Variants in SCAMP4 observed in about 807,000 individuals in gnomAD.
SCAMP4 encodes secretory carrier-associated membrane protein 4.
In SCAMP4, 19 loss-of-function variants were observed where a neutral mutation model predicts 32.1. That is an observed-to-expected ratio of 0.59 (90% CI 0.41 to 0.87). The LOEUF is 0.87. Among genes scored for constraint, SCAMP4 ranks in the 40% least tolerant of loss-of-function variants. The pLI, the probability that SCAMP4 is intolerant of heterozygous loss-of-function variation, is 0.00. For synonymous variants in SCAMP4, 152 were observed against 132.7 expected (o/e 1.15, Z -1.00); for missense variants, 302 against 309.0 (o/e 0.98, Z 0.17).
At chr19:1,910,151 C>T (rs1473220070) in intron 1 of SCAMP4, among the ~76,000 whole-genome samples, 3 of 152,202 alleles carry the variant, frequency 2.0e-5, no homozygotes, top group African/African-American at 7.2e-5. Context: ...CTGAATGTGA[C>T]ATGGCTGGCT....
At chr19:1,907,344 G>A (rs1247513034) in intron 1 of SCAMP4, among the ~76,000 whole-genome samples, 1 of 149,620 alleles carries the variant, frequency 6.7e-6, no homozygotes, top group Non-Finnish European at 1.5e-5. Context: ...AGATGGTCAG[G>A]CCCCTCCATC....
At position 1,923,990 on chromosome 19, in the gene SCAMP4, G is replaced by C. The variant is rs62127759; in HGVS notation, c.514-118G>C. On this transcript the variant is annotated intron_variant, in intron 6 of 6. Coordinates refer to ENST00000316097, the MANE Select transcript of SCAMP4 (RefSeq NM_079834.4). ...GTTTGGACTGGTCTCGAACTCCAGA[G>C]CTCAGACAGTCTGTCTGCCTCGGCC... is the stretch of plus-strand genomic sequence containing the variant. 32 of 422,734 alleles carry C rather than the reference G, an allele frequency of 7.6e-5. 11 individuals are homozygous for C. Among genetic ancestry groups the C allele is most frequent in the Non-Finnish European group, 1.1e-4 (25 of 219,582 alleles). 26.2% of individuals were successfully genotyped at this position (422,734 alleles called of 1,614,324 possible). A position where few individuals can be genotyped will look rare whatever the true frequency, so the allele number is the denominator to read the frequency against.
Position 1,924,530 on chromosome 19 carries a change from T to C in SCAMP4, c.*246T>C. The C allele has an allele frequency of 1.8e-6, 1 of 540,596 alleles. No homozygotes were observed. Among genetic ancestry groups the C allele is most frequent in the South Asian group, 2.2e-5 (1 of 46,418 alleles). 33.5% of individuals were successfully genotyped at this position (540,596 alleles called of 1,614,324 possible). On this transcript the variant is annotated 3_prime_UTR_variant, in exon 7 of 7. Transcript: ENST00000316097. Reference sequence around the variant, plus strand: ...GGCCTCTGCCGTCCACAGGACGCCCTCTTGCTCCCGGAAACGTGTGGTCAC... The same window carrying C: ...GGCCTCTGCCGTCCACAGGACGCCCCCTTGCTCCCGGAAACGTGTGGTCAC...
Position 1,912,972 on chromosome 19 carries a change from A to C in SCAMP4, c.-41-2007A>C, listed in dbSNP as rs200773180. ...GTACGTGACCCGCGAGCCCTGCGCC[A>C]TGTGCGCCATGGCCCTGGTGCACGC... On this transcript the variant is annotated intron_variant, in intron 1 of 6. Transcript: ENST00000316097. 3 of 1,609,816 alleles carry C rather than the reference A, an allele frequency of 1.9e-6. No homozygotes were observed. The East Asian group carries it at 6.7e-5, about 36-fold the overall frequency.
intron 3 of SCAMP4, 63 bp downstream of exon 3, chr19:1,917,885 G>T: frequency 2.5e-6 from 4 of 1,600,176 alleles, no homozygotes; most frequent in Non-Finnish European, 1.7e-6. Flanking sequence ...GGAGGGAGTG[G>T]CATTCAGGCA....
At chr19:1,923,614 G>GTTT (rs2013988562) in intron 6 of SCAMP4, among the ~76,000 whole-genome samples, 4 of 44,142 alleles carry the variant, frequency 9.1e-5, no homozygotes, top group Non-Finnish European at 1.2e-4. Context: ...ACAGCAAAAT[G>GTTT]CTTTTTTTTT....
chr19:1,909,816 C>T (rs2013342871), intron 1 of SCAMP4, among the ~76,000 whole-genome samples: 1 of 152,234 alleles, frequency 6.6e-6, no homozygotes, highest in Non-Finnish European at 1.5e-5. Context: ...CACCCGACAG[C>T]CAGGGCCCAC....
At chr19:1,919,389 C>G in intron 5 of SCAMP4, 1 of 985,384 alleles carries the variant, frequency 1.0e-6, no homozygotes, top group South Asian at 4.7e-5. Flanking sequence ...AACACACATA[C>G]CTGGTGCTGT....
chr19:1,914,933 C>G (rs748092308), intron 1 of SCAMP4, 46 bp from the exon 2 acceptor site: 1 of 1,535,134 alleles, frequency 6.5e-7, no homozygotes, highest in Admixed American at 1.7e-5. Flanking sequence ...TAGCGCTCTG[C>G]CCAGGGCAGC....
chr19:1,923,398 G>A (rs1205275339), intron 6 of SCAMP4, among the ~76,000 whole-genome samples: 1 of 152,126 alleles, frequency 6.6e-6, no homozygotes, highest in African/African-American at 2.4e-5. Flanking sequence ...GGTTCCTATG[G>A]GGCCAGTCCT....
In SCAMP4 at chr19:1,908,958, A is replaced by G. The variant is rs2013287667; in HGVS notation, c.-42+3519A>G. On this transcript the variant is annotated intron_variant, in intron 1 of 6. Coordinates refer to ENST00000316097, the MANE Select transcript of SCAMP4 (RefSeq NM_079834.4). The surrounding 1 kb of genome is among the most constrained non-coding windows in gnomAD (Gnocchi z 4.2). Reference sequence around the variant, plus strand: ...CGTCTCTACTGAAAATACAAAAATTAGCCGGGCGTGGTGGCATGTGCCTGT... The same window carrying G: ...CGTCTCTACTGAAAATACAAAAATTGGCCGGGCGTGGTGGCATGTGCCTGT... Among the ~76,000 whole-genome samples the G allele has an allele frequency of 6.6e-6, 1 of 152,088 alleles. No homozygotes were observed. Among genetic ancestry groups the G allele is most frequent in the African/African-American group, 2.4e-5 (1 of 41,410 alleles).
intron 1 of SCAMP4, among the ~76,000 whole-genome samples, chr19:1,911,483 C>T (rs918681901): frequency 3.3e-5 from 5 of 152,202 alleles, no homozygotes; most frequent in Non-Finnish European, 5.9e-5. Flanking sequence ...ATGAATTGTG[C>T]TTTTGAAAAT....
intron 5 of SCAMP4, 60 bp downstream of exon 5, chr19:1,919,050 C>T: frequency 1.3e-6 from 2 of 1,560,620 alleles, no homozygotes; most frequent in South Asian, 2.4e-5. Flanking sequence ...AGGTTGTGGG[C>T]CTGCTGGGAA....
intron 2 of SCAMP4, among the ~76,000 whole-genome samples, 179 bp downstream of exon 2, chr19:1,915,205 A>G (rs1237136988): frequency 6.6e-6 from 1 of 152,154 alleles, no homozygotes. Context: ...CTGGGGGCAA[A>G]GGACAGCAGA....
chr19:1,919,003 CTGA>C lies in SCAMP4; in HGVS notation c.395+16_395+18del. The C allele has an allele frequency of 6.3e-7, 1 of 1,594,694 alleles. No homozygotes were observed. The highest frequency in any genetic ancestry group is 1.1e-5 in the South Asian group (1 of 88,038). On this transcript the variant is annotated intron_variant, in intron 5 of 6. Coordinates refer to ENST00000316097, the MANE Select transcript of SCAMP4 (RefSeq NM_079834.4). ...GCTGGGGCGCGTGGTAAGCCTCTCTCTGATGGGCGTGGTGGCTGTGATGTGGCT... is the reference window on the plus strand; with the variant it reads ...GCTGGGGCGCGTGGTAAGCCTCTCTCTGGGCGTGGTGGCTGTGATGTGGCT...
intron 4 of SCAMP4, 128 bp from the exon 5 acceptor site, chr19:1,918,761 C>CA (rs376128461): frequency 0.023 from 26,165 of 1,124,158 alleles, no homozygotes; most frequent in East Asian, 0.054. Flanking sequence ...GACTCCATCT[C>CA]AAAAAAAAAA....
intron 5 of SCAMP4, chr19:1,922,235 T>G: frequency 1.0e-6 from 1 of 985,478 alleles, no homozygotes; most frequent in Non-Finnish European, 1.2e-6. Flanking sequence ...AGTGTCCCAC[T>G]GGTGGCTGAT....
At chr19:1,912,736 G>A (rs1181107805) in intron 1 of SCAMP4, 26 of 1,537,654 alleles carry the variant, frequency 1.7e-5, no homozygotes, top group Non-Finnish European at 2.3e-5. Flanking sequence ...GGCCACGACT[G>A]CAGCTGCGCG....
intron 2 of SCAMP4, among the ~76,000 whole-genome samples, chr19:1,917,206 TGAGGCAGAAGAATCACTTGAGCTTGG>T (rs1202135710): frequency 6.6e-6 from 1 of 152,180 alleles, no homozygotes; most frequent in African/African-American, 2.4e-5. Context: ...CTTGGGAGGC[TGAGGCAGAAGAATCACTTGAGCTTGG>T]GAGGCAGAGG....
Sources: gnomAD v4.1 joint callset for allele counts (sites outside exome capture counted in the v4.1 genomes callset) on GRCh38, gnomAD v4.1.1 for gene constraint, Gnocchi (gnomAD v3.1) non-coding constraint, MANE v1.5 for transcripts, NCBI Gene and HGNC (gene_info 2026-07-23, HGNC 2026-07-21) for gene names.